The following ASIC2 variants were observed in gnomAD, a reference collection of about 807,000 sequenced individuals.
ASIC2 encodes the protein acid sensing ion channel subunit 2.
A neutral mutation model predicts 57.3 loss-of-function variants in ASIC2; 25 were observed. The observed-to-expected ratio is 0.44, with a 90% confidence interval of 0.32 to 0.61. ASIC2 has a LOEUF of 0.61. ASIC2 is among the 20% of genes least tolerant of loss of function. The pLI is 0.06. For synonymous variants in ASIC2, 319 were observed against 307.5 expected (o/e 1.04, Z -0.39); for missense variants, 641 against 738.1 (o/e 0.87, Z 1.52).
chr17:33,145,033 G>C (rs1904498438), intron 1 of ASIC2, among the ~76,000 whole-genome samples: 3 of 152,234 alleles, frequency 2.0e-5, no homozygotes. Context: ...TCCTCCAGGA[G>C]GTAGACTGGA....
intron 1 of ASIC2, among the ~76,000 whole-genome samples, chr17:33,579,707 G>A (rs368415250): frequency 2.0e-5 from 3 of 152,170 alleles, no homozygotes; most frequent in Admixed American, 6.5e-5. Flanking sequence ...TTCGCAGCCA[G>A]CGTTACAACT....
rs146113263 is a variant in ASIC2 at position 33,591,977 on chromosome 17, C to T, written c.556-479910G>A. ...TACCTGCCCTGCCTCTGCTCCTATA[C>T]CTAAGAAGGAAAAATCAAGGACAAG... On this transcript the variant is annotated intron_variant, in intron 1 of 9. Coordinates refer to the ASIC2 transcript ENST00000359872. Among the ~76,000 whole-genome samples, 727 of 152,224 alleles carry T rather than the reference C, an allele frequency of 4.8e-3. 3 individuals carry two copies. Among genetic ancestry groups the T allele is most frequent in the African/African-American group, 0.016 (674 of 41,546 alleles).
chr17:34,119,606 T>TAC (rs1217350173), intron 1 of ASIC2, among the ~76,000 whole-genome samples: 2 of 127,542 alleles, frequency 1.6e-5, no homozygotes, highest in African/African-American at 6.6e-5. Context: ...TCCCTTTCTC[T>TAC]ACACAGACAC....
At chr17:34,030,691 G>A (rs533135049) in intron 1 of ASIC2, among the ~76,000 whole-genome samples, 1 of 152,300 alleles carries the variant, frequency 6.6e-6, no homozygotes, top group South Asian at 2.1e-4. Context: ...TTAAACAACG[G>A]CACACCAGGA....
chr17:33,636,631 A>C (rs1238860258), intron 1 of ASIC2, among the ~76,000 whole-genome samples: 1 of 152,198 alleles, frequency 6.6e-6, no homozygotes, highest in Non-Finnish European at 1.5e-5. Flanking sequence ...TGCTTTCCGC[A>C]GCTGAGAAGA....
intron 1 of ASIC2, among the ~76,000 whole-genome samples, chr17:33,172,845 C>A (rs773934922): frequency 1.8e-4 from 27 of 152,180 alleles, no homozygotes; most frequent in South Asian, 6.2e-4. Flanking sequence ...GTCGTTTCAA[C>A]AAGCCTTCCA....
rs978137429 is a variant in ASIC2, at chr17:33,981,140, C to T, written c.555+174838G>A. On this transcript the variant is annotated intron_variant, in intron 1 of 9. Coordinates refer to the ASIC2 transcript ENST00000359872. Reference sequence around the variant, plus strand: ...CATTTTTTTTGTATTTTAGTAGAGACGGGGTTTCACCATGTTGGCCAGGAT... The same window carrying T: ...CATTTTTTTTGTATTTTAGTAGAGATGGGGTTTCACCATGTTGGCCAGGAT... Among the ~76,000 whole-genome samples, 6 of 151,782 alleles carry T rather than the reference C, an allele frequency of 4.0e-5. No individual in the cohort carries two copies. The East Asian group carries it at 9.7e-4, about 25-fold the overall frequency.
intron 1 of ASIC2, among the ~76,000 whole-genome samples, chr17:33,745,159 C>A (rs1910221641): frequency 6.6e-6 from 1 of 152,188 alleles, no homozygotes; most frequent in Non-Finnish European, 1.5e-5. Flanking sequence ...TGCTCCCTAT[C>A]TTTCCCCTCC....
intron 1 of ASIC2, among the ~76,000 whole-genome samples, chr17:33,654,571 G>C (rs1440806137): frequency 1.3e-5 from 2 of 152,244 alleles, no homozygotes; most frequent in East Asian, 3.8e-4. Context: ...GGCCTGGGAG[G>C]CAAAGGCAAC....
intron 1 of ASIC2, among the ~76,000 whole-genome samples, chr17:34,145,135 C>T (rs1912383047): frequency 1.3e-5 from 2 of 152,166 alleles, no homozygotes; most frequent in Non-Finnish European, 2.9e-5. Context: ...CATTTAACAG[C>T]CCCTTCAATC....
intron 1 of ASIC2, among the ~76,000 whole-genome samples, chr17:33,332,736 C>T (rs1426844405): frequency 6.6e-6 from 1 of 152,014 alleles, no homozygotes; most frequent in Non-Finnish European, 1.5e-5. Flanking sequence ...ACTAAAAATA[C>T]AAAAATTAGC....
chr17:33,532,414 C>G (rs767742828), intron 1 of ASIC2, among the ~76,000 whole-genome samples: 1 of 152,196 alleles, frequency 6.6e-6, no homozygotes, highest in Non-Finnish European at 1.5e-5. Flanking sequence ...GTGTCAGCTC[C>G]TGACCTTCCT....
chr17:33,035,551 T>C (rs2091905722), intron 3 of ASIC2, among the ~76,000 whole-genome samples: 1 of 152,222 alleles, frequency 6.6e-6, no homozygotes, highest in Non-Finnish European at 1.5e-5. Context: ...TAGAGATAGG[T>C]ATATTTTAGT....
chr17:33,916,613 A>G (rs1915591365), intron 1 of ASIC2, among the ~76,000 whole-genome samples: 1 of 152,226 alleles, frequency 6.6e-6, no homozygotes, highest in African/African-American at 2.4e-5. Context: ...GACCTCTGAA[A>G]TACCAAAATC....
chr17:33,404,066 A>G, intron 1 of ASIC2, among the ~76,000 whole-genome samples: 1 of 152,158 alleles, frequency 6.6e-6, no homozygotes, highest in East Asian at 1.9e-4. Context: ...AAACATAGAG[A>G]GATATTCGTG....
intron 1 of ASIC2, among the ~76,000 whole-genome samples, chr17:33,705,116 A>G (rs1206037743): frequency 2.0e-5 from 3 of 152,218 alleles, no homozygotes; most frequent in Admixed American, 2.0e-4. Context: ...AATGTAGATT[A>G]GCCAAAGCAT....
At chr17:33,240,386 TCCTCCTTCCAGAC>T (rs1302881746) in intron 1 of ASIC2, among the ~76,000 whole-genome samples, 2 of 152,120 alleles carry the variant, frequency 1.3e-5, no homozygotes, top group African/African-American at 4.8e-5. Flanking sequence ...TTGCTAATGC[TCCTCCTTCCAGAC>T]CCTCCAGCCA....
chr17:33,735,011 T>A (rs1435764725), intron 1 of ASIC2, among the ~76,000 whole-genome samples: 2 of 152,230 alleles, frequency 1.3e-5, no homozygotes, highest in African/African-American at 4.8e-5. Context: ...GTTCAGAGAC[T>A]GCACTTCGCT....
chr17:33,028,167 C>T, intron 4 of ASIC2, 75 bp downstream of exon 4: 2 of 1,545,374 alleles, frequency 1.3e-6, no homozygotes, highest in Non-Finnish European at 1.8e-6. Flanking sequence ...GAAGTGTTTC[C>T]CATTAGGATG....
Sources: gnomAD v4.1 joint callset for allele counts (sites outside exome capture counted in the v4.1 genomes callset) on GRCh38, gnomAD v4.1.1 for gene constraint, MANE v1.5 for transcripts, NCBI Gene and HGNC (gene_info 2026-07-23, HGNC 2026-07-21) for gene names.